KLF6: variants seen among roughly 807,000 people sequenced by gnomAD.
KLF6 encodes Krueppel-like factor 6.
For missense variants in KLF6, 233 were observed against 359.8 expected (o/e 0.65, Z 2.85); for synonymous variants, 152 against 147.9 (o/e 1.03, Z -0.20).
Position 3,777,097 on chromosome 10 carries a change from G to A in KLF6, c.*2442C>T, listed in dbSNP as rs1832403320. 1 of 512,650 alleles carries A rather than the reference G, an allele frequency of 2.0e-6. No individual in the cohort carries two copies. Among genetic ancestry groups the A allele is most frequent in the East Asian group, 4.3e-5 (1 of 23,330 alleles). The allele number at this position is 512,650 out of a possible 1,614,324, so 31.8% of individuals were successfully genotyped here. ...TCCCCTCTTAAGTAAAACGAAATGA[G>A]TTTCTTAGGTAAATGTATTCATCAG... is the stretch of plus-strand genomic sequence containing the variant. On this transcript the variant is annotated 3_prime_UTR_variant, in exon 4 of 4. Coordinates refer to ENST00000497571, the MANE Select transcript of KLF6 (RefSeq NM_001300.6).
chr10:3,783,886 A>G (rs1588345517), intron 1 of KLF6, among the ~76,000 whole-genome samples: 7 of 152,122 alleles, frequency 4.6e-5, no homozygotes, highest in Admixed American at 3.9e-4. Context: ...ATCAATTTCA[A>G]TCACGTCCTA....
At position 3,782,425 on chromosome 10, in the gene KLF6, C is replaced by T. The variant is rs116781889; in HGVS notation, c.103-211G>A. On this transcript the variant is annotated intron_variant, in intron 1 of 3. Transcript: ENST00000497571. This position sits in a 1 kb window ranked among gnomAD's most constrained non-coding sequence, Gnocchi z 4.3. ...AATGGTAAGAATTCAGAGGAAAAGT[C>T]GGAGGGTGAAACCTCTCCTGGCTTT... Among the ~76,000 whole-genome samples the T allele has an allele frequency of 1.6e-3, 243 of 152,290 alleles. 2 individuals carry two copies. The highest frequency in any genetic ancestry group is 5.7e-3 in the African/African-American group (237 of 41,558).
Position 3,776,442 on chromosome 10 carries a change from C to T in KLF6, c.*3097G>A. On this transcript the variant is annotated 3_prime_UTR_variant, in exon 4 of 4. Transcript: ENST00000497571. Reference sequence around the variant, plus strand: ...AAGGGGCTGAGGTCGGTGAGTTGTTCTCAGGGTTGCTCAATGAAGATTTGC... The same window carrying T: ...AAGGGGCTGAGGTCGGTGAGTTGTTTTCAGGGTTGCTCAATGAAGATTTGC... 1 of 531,986 alleles carries T rather than the reference C, an allele frequency of 1.9e-6. No homozygotes were observed. 33.0% of individuals were successfully genotyped at this position (531,986 alleles called of 1,614,324 possible). A position where few individuals can be genotyped will look rare whatever the true frequency, so the allele number is the denominator to read the frequency against.
rs150493899 is a variant in KLF6, at chr10:3,776,006, G to GTCA, written c.*3530_*3532dup. On this transcript the variant is annotated 3_prime_UTR_variant, in exon 4 of 4. Coordinates refer to ENST00000497571, the MANE Select transcript of KLF6 (RefSeq NM_001300.6). Reference sequence around the variant, plus strand: ...GAGATGTAACTCCTCTGGCAGTGATGTCATCTTTTATTTTCTGCCCTCCTT... The same window carrying GTCA: ...GAGATGTAACTCCTCTGGCAGTGATGTCATCATCTTTTATTTTCTGCCCTCCTT... 11,027 of 470,388 alleles carry GTCA rather than the reference G, an allele frequency of 0.023. 179 individuals are homozygous for GTCA. Among genetic ancestry groups the GTCA allele is most frequent in the Non-Finnish European group, 0.034 (8,113 of 236,480 alleles). 29.1% of individuals were successfully genotyped at this position (470,388 alleles called of 1,614,324 possible).
Position 3,777,761 on chromosome 10 carries a change from T to A in KLF6, c.*1778A>T, listed in dbSNP as rs1395752277. On this transcript the variant is annotated 3_prime_UTR_variant, in exon 4 of 4. Coordinates refer to ENST00000497571, the MANE Select transcript of KLF6 (RefSeq NM_001300.6). ...ATTTATATATTATCTATATATATAA[T>A]ATATATATATACACACATACACATA... 7.3e-6 allele frequency: 2 copies of A among 273,526 alleles called. No homozygotes were observed. Among genetic ancestry groups the A allele is most frequent in the Admixed American group, 5.1e-5 (1 of 19,780 alleles). The allele number at this position is 273,526 out of a possible 1,614,324, so 16.9% of individuals were successfully genotyped here.
Position 3,778,136 on chromosome 10 carries a change from A to G in KLF6, c.*1403T>C, listed in dbSNP as rs1445846134. 1.9e-6 allele frequency: 1 copy of G among 518,850 alleles called. No individual in the cohort carries two copies. Among genetic ancestry groups the G allele is most frequent in the South Asian group, 1.5e-5 (1 of 65,042 alleles). The allele number at this position is 518,850 out of a possible 1,614,324, so 32.1% of individuals were successfully genotyped here. On this transcript the variant is annotated 3_prime_UTR_variant, in exon 4 of 4. Transcript: ENST00000497571. Reference sequence around the variant, plus strand: ...AATACTGACATGTAAAGGGAGTTTCACTCTATGTCTTTGTGAAGGAGGACC... The same window carrying G: ...AATACTGACATGTAAAGGGAGTTTCGCTCTATGTCTTTGTGAAGGAGGACC...
intron 1 of KLF6, among the ~76,000 whole-genome samples, chr10:3,784,521 T>TA (rs1832604061): frequency 6.7e-6 from 1 of 149,872 alleles, no homozygotes; most frequent in Non-Finnish European, 1.5e-5. Flanking sequence ...GTGATTTTTT[T>TA]AAAAAACTGT....
In KLF6 at chr10:3,777,106, G is replaced by A. The variant is rs536121545; in HGVS notation, c.*2433C>T. The A allele has an allele frequency of 2.0e-6, 1 of 511,332 alleles. No homozygotes were observed. The highest frequency in any genetic ancestry group is 4.3e-5 in the East Asian group (1 of 23,202). 31.7% of individuals were successfully genotyped at this position (511,332 alleles called of 1,614,324 possible). On this transcript the variant is annotated 3_prime_UTR_variant, in exon 4 of 4. Transcript: ENST00000497571. ...AAGTAAAACGAAATGAGTTTCTTAG[G>A]TAAATGTATTCATCAGCCCAGATAA...
chr10:3,781,355 T>C lies in KLF6; in HGVS notation c.676+286A>G. ...AGTGGCCTCGGATCCCCAGCACTAC[T>C]AAGGGGTGGGGGGTGGAGGTTTGGG... On this transcript the variant is annotated intron_variant, in intron 2 of 3. Coordinates refer to ENST00000497571, the MANE Select transcript of KLF6 (RefSeq NM_001300.6). This position sits in a 1 kb window ranked among gnomAD's most constrained non-coding sequence, Gnocchi z 5.8. 7.3e-7 allele frequency: 1 copy of C among 1,374,316 alleles called. No individual in the cohort carries two copies. Among genetic ancestry groups the C allele is most frequent in the Non-Finnish European group, 9.7e-7 (1 of 1,036,116 alleles). The allele number at this position is 1,374,316 out of a possible 1,614,324, so 85.1% of individuals were successfully genotyped here.
Position 3,776,819 on chromosome 10 carries a change from G to C in KLF6, c.*2720C>G, listed in dbSNP as rs572130106. 6.9e-5 allele frequency: 36 copies of C among 521,500 alleles called. No homozygotes were observed. The Admixed American group carries it at 7.9e-4, about 11-fold the overall frequency. 32.3% of individuals were successfully genotyped at this position (521,500 alleles called of 1,614,324 possible). A position where few individuals can be genotyped will look rare whatever the true frequency, so the allele number is the denominator to read the frequency against. ...GAACAGAATGTACTTCTTTATGTAC[G>C]TGCTAATTATGAAAATCACAGGCAT... On this transcript the variant is annotated 3_prime_UTR_variant, in exon 4 of 4. Transcript: ENST00000497571.
At chr10:3,779,822 G>C (rs1046874571) in intron 3 of KLF6, among the ~76,000 whole-genome samples, 1 of 152,210 alleles carries the variant, frequency 6.6e-6, no homozygotes, top group African/African-American at 2.4e-5. Flanking sequence ...GAATCTGAAC[G>C]GACTTCATTT....
In KLF6 at chr10:3,781,709, T is replaced by C; in HGVS notation, c.608A>G (p.His203Arg). 3 of 1,614,084 alleles carry C rather than the reference T, an allele frequency of 1.9e-6. No homozygotes were observed. Among genetic ancestry groups the C allele is most frequent in the Non-Finnish European group, 2.5e-6 (3 of 1,179,950 alleles). The change falls in exon 2 of 4, where the codon CAC becomes CGC. Residue 203 changes from histidine to arginine, a missense_variant. His to Arg is a conservative substitution (Grantham distance 29, BLOSUM62 0). Transcript: ENST00000497571. This position sits in a 1 kb window ranked among gnomAD's most constrained non-coding sequence, Gnocchi z 5.8. ...GTAAACTTTCCTGCAGCCGTTAAAG[T>C]GGCACCGGTGCACCCTCCTCCTGCC... ...PDGRRRVHRC[H>R]FNGCRKVYTK... is the part of the protein sequence containing the mutation.
Position 3,777,417 on chromosome 10 carries a change from G to T in KLF6, c.*2122C>A, listed in dbSNP as rs1423091319. On this transcript the variant is annotated 3_prime_UTR_variant, in exon 4 of 4. Transcript: ENST00000497571. The stretch of plus-strand genomic sequence containing the variant: ...CTGTGGTTAGCTTACTCTTAGGTTA[G>T]ATCTTCTAATAAGGCTGAAATTCAA... The T allele has an allele frequency of 2.0e-6, 1 of 510,582 alleles. No individual in the cohort carries two copies. The highest frequency in any genetic ancestry group is 1.9e-5 in the African/African-American group (1 of 52,524). The allele number at this position is 510,582 out of a possible 1,614,324, so 31.6% of individuals were successfully genotyped here.
chr10:3,776,076 A>T lies in KLF6; in HGVS notation c.*3463T>A. 1.9e-6 allele frequency: 1 copy of T among 527,044 alleles called. No homozygotes were observed. Among genetic ancestry groups the T allele is most frequent in the Non-Finnish European group, 3.7e-6 (1 of 271,358 alleles). The allele number at this position is 527,044 out of a possible 1,614,324, so 32.6% of individuals were successfully genotyped here. ...TTGTGAGAACAGCCCTCTGGCCTGG[A>T]GTCCCTCTGCCTCCTCCACCCCTCC... On this transcript the variant is annotated 3_prime_UTR_variant, in exon 4 of 4. Coordinates refer to ENST00000497571, the MANE Select transcript of KLF6 (RefSeq NM_001300.6).
Position 3,777,264 on chromosome 10 carries a change from G to T in KLF6, c.*2275C>A. 1 of 515,612 alleles carries T rather than the reference G, an allele frequency of 1.9e-6. No individual in the cohort carries two copies. The highest frequency in any genetic ancestry group is 3.8e-6 in the Non-Finnish European group (1 of 265,064). The allele number at this position is 515,612 out of a possible 1,614,324, so 31.9% of individuals were successfully genotyped here. ...AGCCACACCCACAAGCCAGCAGCTG[G>T]GTGAAATATCAGCTGTCCACGCCGT... On this transcript the variant is annotated 3_prime_UTR_variant, in exon 4 of 4. Coordinates refer to ENST00000497571, the MANE Select transcript of KLF6 (RefSeq NM_001300.6).
chr10:3,781,612 C>T lies in KLF6; in HGVS notation c.676+29G>A, dbSNP rs780562918. On this transcript the variant is annotated intron_variant, in intron 2 of 3. Coordinates refer to ENST00000497571, the MANE Select transcript of KLF6 (RefSeq NM_001300.6). This position sits in a 1 kb window ranked among gnomAD's most constrained non-coding sequence, Gnocchi z 5.8. ...CAATGCAGTGGCGCCCACCAGCGGC[C>T]GCCCTCCGGGGCCCGCGTGGGCACT... 6.2e-6 allele frequency: 10 copies of T among 1,609,232 alleles called. No individual in the cohort carries two copies. In the East Asian group the frequency reaches 6.7e-5, roughly 11 times the overall value.
chr10:3,784,441 A>G lies in KLF6; in HGVS notation c.102+472T>C, dbSNP rs142089292. 2.5e-3 allele frequency among the ~76,000 whole-genome samples: 378 copies of G among 152,254 alleles called. 3 individuals are homozygous for G. The highest frequency in any genetic ancestry group is 8.4e-3 in the African/African-American group (351 of 41,550). On this transcript the variant is annotated intron_variant, in intron 1 of 3. Coordinates refer to ENST00000497571, the MANE Select transcript of KLF6 (RefSeq NM_001300.6). ...AGGCATTCCAAAGAGCAGAAAACACATTGGAAATGGTCTACAGTTTAAAAA... is the reference window on the plus strand; with the variant it reads ...AGGCATTCCAAAGAGCAGAAAACACGTTGGAAATGGTCTACAGTTTAAAAA...
At chr10:3,783,629 C>A (rs1161268738) in intron 1 of KLF6, among the ~76,000 whole-genome samples, 3 of 152,232 alleles carry the variant, frequency 2.0e-5, no homozygotes, top group Non-Finnish European at 4.4e-5. Flanking sequence ...AGTTACAATG[C>A]ACACTACAGC....
In KLF6 at chr10:3,779,319, A is replaced by G; in HGVS notation, c.*220T>C. On this transcript the variant is annotated 3_prime_UTR_variant, in exon 4 of 4. Coordinates refer to ENST00000497571, the MANE Select transcript of KLF6 (RefSeq NM_001300.6). ...GGCGCCGCTCGGAAGGGCGGGTACC[A>G]GTGGCGAGTCCAGGGTCACCCACAT... The G allele has an allele frequency of 1.5e-6, 1 of 671,220 alleles. No individual in the cohort carries two copies. Among genetic ancestry groups the G allele is most frequent in the Non-Finnish European group, 2.7e-6 (1 of 366,050 alleles). 41.6% of individuals were successfully genotyped at this position (671,220 alleles called of 1,614,324 possible). A position where few individuals can be genotyped will look rare whatever the true frequency, so the allele number is the denominator to read the frequency against.
Sources: gnomAD v4.1 joint callset for allele counts (sites outside exome capture counted in the v4.1 genomes callset) on GRCh38, gnomAD v4.1.1 for gene constraint, Gnocchi (gnomAD v3.1) non-coding constraint, MANE v1.5 for transcripts, NCBI Gene and HGNC (gene_info 2026-07-23, HGNC 2026-07-21) for gene names.